PCDHGA5: variants seen among roughly 807,000 people sequenced by gnomAD.
PCDHGA5 encodes protocadherin gamma-A5.
PCDHGA5 carries 36 observed loss-of-function variants against 56.7 expected under a neutral mutation model. The observed-to-expected ratio is 0.64, with a 90% CI of 0.49 to 0.84. The LOEUF (loss-of-function observed/expected upper bound fraction) is 0.84, where lower values mean the gene tolerates loss of function less well. Among genes scored for constraint, PCDHGA5 ranks in the 40% least tolerant of loss-of-function variants. The probability of loss-of-function intolerance (pLI) is 0.00; values close to 1 mark genes in which losing one functional copy is unlikely to be tolerated. For missense variants in PCDHGA5, 1,305 were observed against 1,201.5 expected (o/e 1.09, Z -1.27); for synonymous variants, 563 against 520.2 (o/e 1.08, Z -1.12).
rs1561852927 is a variant in PCDHGA5, at chr5:141,431,472, A to G, written c.2422-63335A>G. On this transcript the variant is annotated intron_variant, in intron 1 of 3. Coordinates refer to ENST00000518069, the MANE Select transcript of PCDHGA5 (RefSeq NM_018918.3). The surrounding 1 kb of genome is among the most constrained non-coding windows in gnomAD (Gnocchi z 4.8). The stretch of plus-strand genomic sequence containing the variant: ...GTGATGGTTCTGGATGCGAACGACA[A>G]CGCACCAGCGTTTGCTCAGCCCGAG... 6.2e-7 allele frequency: 1 copy of G among 1,613,784 alleles called. No individual in the cohort carries two copies. The highest frequency in any genetic ancestry group is 8.5e-7 in the Non-Finnish European group (1 of 1,179,948).
Position 141,393,255 on chromosome 5 carries a change from C to G in PCDHGA5, c.2421+26504C>G, listed in dbSNP as rs201229959. 2.3e-4 allele frequency: 367 copies of G among 1,613,786 alleles called. No individual in the cohort carries two copies. Among genetic ancestry groups the G allele is most frequent in the Non-Finnish European group, 2.9e-4 (338 of 1,179,916 alleles). On this transcript the variant is annotated intron_variant, in intron 1 of 3. Coordinates refer to ENST00000518069, the MANE Select transcript of PCDHGA5 (RefSeq NM_018918.3). ...AGTAAAAATTAACGAAATCGCGGTT[C>G]CTGGAGCACGTTATCCACTCCCAGA...
rs759041753 is a variant in PCDHGA5 at position 141,388,806 on chromosome 5, G to A, written c.2421+22055G>A. 32 of 1,613,842 alleles carry A rather than the reference G, an allele frequency of 2.0e-5. No individual in the cohort carries two copies. Among genetic ancestry groups the A allele is most frequent in the Non-Finnish European group, 2.5e-5 (29 of 1,179,864 alleles). On this transcript the variant is annotated intron_variant, in intron 1 of 3. Coordinates refer to ENST00000518069, the MANE Select transcript of PCDHGA5 (RefSeq NM_018918.3). Reference sequence around the variant, plus strand: ...TACTGTTTTAAATACATTAGATTTTGAAGAAGTCAAAGAATATTCCATAGT... The same window carrying A: ...TACTGTTTTAAATACATTAGATTTTAAAGAAGTCAAAGAATATTCCATAGT...
At chr5:141,395,078 G>T (rs756312673) in intron 1 of PCDHGA5, 3 of 1,614,126 alleles carry the variant, frequency 1.9e-6, no homozygotes, top group South Asian at 1.1e-5. Context: ...CCTATTCCCA[G>T]GAAGTCTCCC....
At chr5:141,388,658 G>T in intron 1 of PCDHGA5, 7 of 1,613,908 alleles carry the variant, frequency 4.3e-6, no homozygotes, top group Non-Finnish European at 5.9e-6. Context: ...TGTACCCGGG[G>T]ACCACGGTGC....
chr5:141,415,740 G>GTTTTTTTTT (rs57426385), intron 1 of PCDHGA5: 68 of 625,028 alleles, frequency 1.1e-4, no homozygotes, highest in African/African-American at 1.3e-4. Context: ...GTTTATTAAG[G>GTTTTTTTTT]TTTTTTTTTT....
chr5:141,419,243 C>T (rs959206942), intron 1 of PCDHGA5: 2 of 1,613,998 alleles, frequency 1.2e-6, no homozygotes, highest in East Asian at 4.5e-5. Flanking sequence ...GGTCCACGTG[C>T]CAGAAAACAA....
chr5:141,486,832 A>G lies in PCDHGA5; in HGVS notation c.2422-7975A>G. 2.5e-6 allele frequency: 4 copies of G among 1,614,182 alleles called. No individual in the cohort carries two copies. Among genetic ancestry groups the G allele is most frequent in the South Asian group, 1.1e-5 (1 of 91,082 alleles). ...TTAGCAGCACTGTAACAGTTCGTCT[A>G]TTTGTGCTGGACCTCAATGACAATG... On this transcript the variant is annotated intron_variant, in intron 1 of 3. Transcript: ENST00000518069. The surrounding 1 kb of genome is among the most constrained non-coding windows in gnomAD (Gnocchi z 5.0).
rs1193457334 is a variant in PCDHGA5 at position 141,375,486 on chromosome 5, G to T, written c.2421+8735G>T. The T allele has an allele frequency of 5.0e-6, 8 of 1,613,914 alleles. No homozygotes were observed. Among genetic ancestry groups the T allele is most frequent in the Non-Finnish European group, 6.8e-6 (8 of 1,179,980 alleles). ...TATGTCCTTGAAAACAACCCCAGGG[G>T]TGCCTCCATCTTCTCTGTGAATGCA... is the stretch of plus-strand genomic sequence containing the variant. On this transcript the variant is annotated intron_variant, in intron 1 of 3. Coordinates refer to ENST00000518069, the MANE Select transcript of PCDHGA5 (RefSeq NM_018918.3).
At chr5:141,497,272 T>G (rs568198729) in intron 2 of PCDHGA5, among the ~76,000 whole-genome samples, 20 of 152,254 alleles carry the variant, frequency 1.3e-4, no homozygotes, top group African/African-American at 4.3e-4. Flanking sequence ...CTAGGCCATT[T>G]ATGTTCCCTC....
intron 3 of PCDHGA5, among the ~76,000 whole-genome samples, chr5:141,505,995 C>T (rs1041284805): frequency 5.3e-5 from 8 of 152,142 alleles, no homozygotes; most frequent in African/African-American, 1.4e-4. Flanking sequence ...CCTCTTTATG[C>T]GAGGCTCCTC....
At chr5:141,372,434 T>A (rs767132959) in intron 1 of PCDHGA5, 27 of 1,613,890 alleles carry the variant, frequency 1.7e-5, no homozygotes, top group Non-Finnish European at 2.0e-5. Flanking sequence ...ACCGCCCCAC[T>A]CCCTCTGACC....
intron 3 of PCDHGA5, among the ~76,000 whole-genome samples, chr5:141,509,732 C>T (rs931066969): frequency 3.9e-5 from 6 of 152,182 alleles, no homozygotes; most frequent in Non-Finnish European, 5.9e-5. Flanking sequence ...CTAGCTGTGG[C>T]ACTCTGAGCC....
rs961341807 is a variant in PCDHGA5 at position 141,486,262 on chromosome 5, A to G, written c.2422-8545A>G. The G allele has an allele frequency of 6.2e-6, 10 of 1,613,912 alleles. No individual in the cohort carries two copies. Among genetic ancestry groups the G allele is most frequent in the Non-Finnish European group, 8.5e-6 (10 of 1,179,986 alleles). On this transcript the variant is annotated intron_variant, in intron 1 of 3. Transcript: ENST00000518069. This position sits in a 1 kb window ranked among gnomAD's most constrained non-coding sequence, Gnocchi z 5.0. ...AGCTTGGAACCCTCCCCGAGAGTGC[A>G]GAACCTGGCACTGTGGTGGCACTTA...
chr5:141,431,016 C>A lies in PCDHGA5; in HGVS notation c.2422-63791C>A, dbSNP rs755015257. 4 of 1,613,456 alleles carry A rather than the reference C, an allele frequency of 2.5e-6. No individual in the cohort carries two copies. Among genetic ancestry groups the A allele is most frequent in the East Asian group, 2.2e-5 (1 of 44,860 alleles). ...AATCCGCGCAGCGGCAGCTTGGTCA[C>A]GGCGGGCAGGATAGACCGGGAGGAG... is the stretch of plus-strand genomic sequence containing the variant. On this transcript the variant is annotated intron_variant, in intron 1 of 3. Coordinates refer to ENST00000518069, the MANE Select transcript of PCDHGA5 (RefSeq NM_018918.3). The surrounding 1 kb of genome is among the most constrained non-coding windows in gnomAD (Gnocchi z 4.8).
chr5:141,415,750 T>G lies in PCDHGA5; in HGVS notation c.2421+48999T>G, dbSNP rs758016978. 309 of 1,313,170 alleles carry G rather than the reference T, an allele frequency of 2.4e-4. No individual in the cohort carries two copies. In the East Asian group the frequency reaches 2.9e-3, roughly 12 times the overall value. 81.3% of individuals were successfully genotyped at this position (1,313,170 alleles called of 1,614,324 possible). On this transcript the variant is annotated intron_variant, in intron 1 of 3. Coordinates refer to ENST00000518069, the MANE Select transcript of PCDHGA5 (RefSeq NM_018918.3). Reference sequence around the variant, plus strand: ...TTGATGTTTATTAAGGTTTTTTTTTTTTTTTTTTTTTTTTTTTTTTTTACT... The same window carrying G: ...TTGATGTTTATTAAGGTTTTTTTTTGTTTTTTTTTTTTTTTTTTTTTTACT...
At chr5:141,384,679 G>A (rs773664166) in intron 1 of PCDHGA5, 33 of 1,614,216 alleles carry the variant, frequency 2.0e-5, no homozygotes, top group Non-Finnish European at 2.7e-5. Flanking sequence ...GGTGGTGGCG[G>A]TGGACAAAGA....
chr5:141,477,629 C>T lies in PCDHGA5; in HGVS notation c.2422-17178C>T, dbSNP rs1191573380. 6.2e-7 allele frequency: 1 copy of T among 1,614,158 alleles called. No homozygotes were observed. Reference sequence around the variant, plus strand: ...CTTGGAGCAAGGAGCTGAAACCGGGCTAGTGGGTCGCTATTTCACAATAAA... The same window carrying T: ...CTTGGAGCAAGGAGCTGAAACCGGGTTAGTGGGTCGCTATTTCACAATAAA... On this transcript the variant is annotated intron_variant, in intron 1 of 3. Coordinates refer to ENST00000518069, the MANE Select transcript of PCDHGA5 (RefSeq NM_018918.3). The surrounding 1 kb of genome is among the most constrained non-coding windows in gnomAD (Gnocchi z 4.9).
chr5:141,424,184 C>A, intron 1 of PCDHGA5: 1 of 199,136 alleles, frequency 5.0e-6, no homozygotes, highest in Non-Finnish European at 9.9e-6. Context: ...TACACATGCA[C>A]ACACACTTAT....
chr5:141,461,138 C>T (rs1416058747), intron 1 of PCDHGA5, among the ~76,000 whole-genome samples: 1 of 151,942 alleles, frequency 6.6e-6, no homozygotes, highest in East Asian at 1.9e-4. Flanking sequence ...ACTTATTTTC[C>T]TTTGGGTAGA....
Sources: allele counts gnomAD v4.1 joint callset (sites outside exome capture counted in the v4.1 genomes callset), GRCh38; gene constraint gnomAD v4.1.1; non-coding constraint Gnocchi (gnomAD v3.1); transcripts MANE v1.5; gene names NCBI Gene and HGNC (gene_info 2026-07-23, HGNC 2026-07-21).